The following NOS1AP variants were observed in gnomAD, a reference collection of about 807,000 sequenced individuals.
NOS1AP encodes carboxyl-terminal PDZ ligand of neuronal nitric oxide synthase protein.
A neutral mutation model predicts 56.2 loss-of-function variants in NOS1AP; 21 were observed. That is an observed-to-expected ratio of 0.37 (90% CI 0.26 to 0.54). NOS1AP has a LOEUF of 0.54. NOS1AP is among the 20% of genes least tolerant of loss of function. The probability of loss-of-function intolerance (pLI) is 0.84; values close to 1 mark genes in which losing one functional copy is unlikely to be tolerated. For missense variants in NOS1AP, 522 were observed against 657.8 expected, an observed-to-expected ratio of 0.79 and a Z score of 2.26; for synonymous variants, 270 against 274.6, an observed-to-expected ratio of 0.98 and a Z score of 0.17.
At chr1:162,250,325 T>C (rs989566312) in intron 2 of NOS1AP, among the ~76,000 whole-genome samples, 2 of 152,140 alleles carry the variant, frequency 1.3e-5, no homozygotes, top group Non-Finnish European at 2.9e-5. Flanking sequence ...GCTAAAAGTT[T>C]TGAAGTACCT....
chr1:162,367,409 T>A lies in NOS1AP; in HGVS notation c.1463T>A (p.Leu488Gln). The change falls in exon 10 of 10, where the codon CTG becomes CAG. Residue 488 changes from leucine to glutamine, a missense_variant. By Grantham distance (113) the Leu-to-Gln change is moderately radical (BLOSUM62 -2). Coordinates refer to ENST00000361897, the MANE Select transcript of NOS1AP (RefSeq NM_014697.3). This position sits in a 1 kb window ranked among gnomAD's most constrained non-coding sequence, Gnocchi z 6.5. ...SWSQEELPRL[L>Q]NVLQRQELGD... ...TCCCAGGAGGAGCTGCCGCGCCTGC[T>A]GAATGTCCTGCAGAGGCAGGAACTG... The A allele has an allele frequency of 6.3e-7, 1 of 1,595,426 alleles. No individual in the cohort carries two copies.
intron 4 of NOS1AP, among the ~76,000 whole-genome samples, chr1:162,314,467 C>A (rs1371139234): frequency 6.6e-6 from 1 of 152,212 alleles, no homozygotes; most frequent in African/African-American, 2.4e-5. Flanking sequence ...AAATGATTGG[C>A]TGGTGTCAAA....
chr1:162,348,572 T>C (rs1237442650), intron 6 of NOS1AP, among the ~76,000 whole-genome samples: 4 of 152,184 alleles, frequency 2.6e-5, no homozygotes, highest in Non-Finnish European at 5.9e-5. Context: ...CTAAGAAAAA[T>C]GGAATTGATA....
chr1:162,254,496 G>A (rs1458361403), intron 2 of NOS1AP, among the ~76,000 whole-genome samples: 1 of 152,190 alleles, frequency 6.6e-6, no homozygotes, highest in Admixed American at 6.5e-5. Flanking sequence ...CGAGAGACAT[G>A]GAATTCAGAG....
chr1:162,327,013 G>A (rs1656614183), intron 4 of NOS1AP, among the ~76,000 whole-genome samples: 2 of 152,196 alleles, frequency 1.3e-5, no homozygotes, highest in African/African-American at 2.4e-5. Context: ...AATATGGAAA[G>A]CAGAGCTTAA....
intron 6 of NOS1AP, among the ~76,000 whole-genome samples, chr1:162,353,587 C>A (rs1657595843): frequency 6.6e-6 from 1 of 152,100 alleles, no homozygotes; most frequent in Admixed American, 6.5e-5. Context: ...TTCTCTGTGC[C>A]AGAGAAACAT....
intron 2 of NOS1AP, among the ~76,000 whole-genome samples, chr1:162,205,412 G>C (rs1286358858): frequency 2.0e-5 from 3 of 152,178 alleles, no homozygotes; most frequent in African/African-American, 7.2e-5. Flanking sequence ...TTAAACATGA[G>C]CTTGGCTCTC....
At chr1:162,148,136 G>A (rs1057018004) in intron 1 of NOS1AP, among the ~76,000 whole-genome samples, 1 of 152,210 alleles carries the variant, frequency 6.6e-6, no homozygotes, top group Non-Finnish European at 1.5e-5. Flanking sequence ...GTGTAATGGA[G>A]GGCTGGAAGG....
At chr1:162,257,850 A>G (rs1022117108) in intron 2 of NOS1AP, among the ~76,000 whole-genome samples, 4 of 152,084 alleles carry the variant, frequency 2.6e-5, no homozygotes, top group African/African-American at 9.7e-5. Context: ...GACCTGGCTT[A>G]GCCTTTGTCT....
At chr1:162,322,683 C>G (rs1356666643) in intron 4 of NOS1AP, among the ~76,000 whole-genome samples, 3 of 152,164 alleles carry the variant, frequency 2.0e-5, no homozygotes, top group African/African-American at 2.4e-5. Context: ...CACCTCTTAC[C>G]CACGTGTCCC....
intron 1 of NOS1AP, among the ~76,000 whole-genome samples, chr1:162,076,592 G>A (rs1269624349): frequency 1.3e-5 from 2 of 152,174 alleles, no homozygotes; most frequent in African/African-American, 2.4e-5. Context: ...TAGGCTGGGC[G>A]CGGTGGCTCA....
chr1:162,313,294 T>A (rs1009181139), intron 4 of NOS1AP, among the ~76,000 whole-genome samples: 3 of 152,234 alleles, frequency 2.0e-5, no homozygotes, highest in Non-Finnish European at 2.9e-5. Context: ...AATACATAAC[T>A]GTTACTAAAA....
chr1:162,085,106 A>G (rs1013573192), intron 1 of NOS1AP, among the ~76,000 whole-genome samples: 6 of 152,050 alleles, frequency 3.9e-5, no homozygotes, highest in South Asian at 4.2e-4. Context: ...GTCAGTGTCT[A>G]TTGGTGTTTC....
chr1:162,080,394 C>A (rs1691858583), intron 1 of NOS1AP, among the ~76,000 whole-genome samples: 1 of 152,122 alleles, frequency 6.6e-6, no homozygotes, highest in South Asian at 2.1e-4. Flanking sequence ...GTGGCTACCC[C>A]CATTTATTCT....
chr1:162,303,719 G>T (rs912594976), intron 4 of NOS1AP, among the ~76,000 whole-genome samples: 7 of 152,140 alleles, frequency 4.6e-5, no homozygotes, highest in African/African-American at 1.4e-4. Flanking sequence ...TGGGATTATA[G>T]ACGTGAGCCA....
At chr1:162,129,068 T>TA (rs1648626533) in intron 1 of NOS1AP, among the ~76,000 whole-genome samples, 1 of 151,568 alleles carries the variant, frequency 6.6e-6, no homozygotes, top group African/African-American at 2.4e-5. Context: ...AATGCATCAG[T>TA]TTTTTTTTAA....
intron 1 of NOS1AP, among the ~76,000 whole-genome samples, chr1:162,129,057 A>G (rs528313514): frequency 6.6e-6 from 1 of 152,248 alleles, no homozygotes; most frequent in African/African-American, 2.4e-5. Context: ...GTTGTATGCT[A>G]AATGCATCAG....
chr1:162,306,109 A>G (rs1159870030), intron 4 of NOS1AP, among the ~76,000 whole-genome samples: 1 of 152,224 alleles, frequency 6.6e-6, no homozygotes, highest in African/African-American at 2.4e-5. Context: ...AGAAAGGCTC[A>G]GAGAACAATT....
intron 5 of NOS1AP, among the ~76,000 whole-genome samples, chr1:162,336,138 GATA>G (rs1656933442): frequency 2.0e-5 from 3 of 152,236 alleles, no homozygotes; most frequent in Non-Finnish European, 4.4e-5. Flanking sequence ...TATTACATCA[GATA>G]ATAATATCTA....
Sources: allele counts gnomAD v4.1 joint callset (sites outside exome capture counted in the v4.1 genomes callset), GRCh38; gene constraint gnomAD v4.1.1; non-coding constraint Gnocchi (gnomAD v3.1); transcripts MANE v1.5; gene names NCBI Gene and HGNC (gene_info 2026-07-23, HGNC 2026-07-21).